The following SOX6 variants were observed in gnomAD, a reference collection of about 807,000 sequenced individuals.
The protein encoded by SOX6 is transcription factor SOX-6.
SOX6 carries 11 observed loss-of-function variants against 97.8 expected under a neutral mutation model. The observed-to-expected ratio is 0.11, with a 90% CI of 0.07 to 0.19. The LOEUF (loss-of-function observed/expected upper bound fraction) is 0.19, where lower values mean the gene tolerates loss of function less well. SOX6 is among the 10% of genes least tolerant of loss of function. The probability of loss-of-function intolerance (pLI) is 1.00; values close to 1 mark genes in which losing one functional copy is unlikely to be tolerated. For missense variants in SOX6, 810 were observed against 1,039.5 expected (o/e 0.78, Z 3.04); for synonymous variants, 360 against 371.4 (o/e 0.97, Z 0.35).
rs937403244 is a variant in SOX6 at position 16,605,310 on chromosome 11, G to T, written n.609+6771C>A. On this transcript the variant is annotated intron_variant and non_coding_transcript_variant, in intron 4 of 5. Coordinates refer to the SOX6 transcript ENST00000524520. This position sits in a 1 kb window ranked among gnomAD's most constrained non-coding sequence, Gnocchi z 5.3. ...CCCTGGCGAAGTCCGCGCCCGGCGG[G>T]GCTGAACTACCCCTCGCCCCCGCTC... Among the ~76,000 whole-genome samples, 2 of 152,264 alleles carry T rather than the reference G, an allele frequency of 1.3e-5. No homozygotes were observed. The highest frequency in any genetic ancestry group is 1.9e-4 in the East Asian group (1 of 5,142).
At chr11:16,380,865 C>T (rs1857792044) in intron 1 of SOX6, among the ~76,000 whole-genome samples, 1 of 151,968 alleles carries the variant, frequency 6.6e-6, no homozygotes, top group Non-Finnish European at 1.5e-5. Context: ...ATCAATATAG[C>T]AAGACAAAAA....
chr11:16,470,499 G>C (rs368281418), intron 1 of SOX6, among the ~76,000 whole-genome samples: 4 of 152,214 alleles, frequency 2.6e-5, no homozygotes, highest in African/African-American at 9.6e-5. Flanking sequence ...ATGACATGTG[G>C]CAATTTTGGA....
chr11:16,497,764 A>G (rs1860628464), intron 4 of SOX6, among the ~76,000 whole-genome samples: 1 of 152,244 alleles, frequency 6.6e-6, no homozygotes, highest in Non-Finnish European at 1.5e-5. Flanking sequence ...AGAAGTTTAG[A>G]GAAAAAAGAA....
intron 1 of SOX6, among the ~76,000 whole-genome samples, chr11:16,383,576 G>C (rs1164493787): frequency 1.3e-5 from 2 of 151,842 alleles, no homozygotes; most frequent in East Asian, 1.9e-4. Flanking sequence ...AAGCCCAATA[G>C]ATACATGTAA....
intron 4 of SOX6, among the ~76,000 whole-genome samples, chr11:16,511,552 C>A (rs1860880124): frequency 6.6e-6 from 1 of 151,896 alleles, no homozygotes; most frequent in Admixed American, 6.6e-5. Flanking sequence ...TACCTGAATT[C>A]TACAAATAGA....
intron 1 of SOX6, among the ~76,000 whole-genome samples, chr11:16,469,429 A>G (rs978384648): frequency 2.6e-5 from 4 of 152,192 alleles, no homozygotes; most frequent in African/African-American, 9.6e-5. Flanking sequence ...TAAGACAGAC[A>G]AAGCAAAAAT....
intron 4 of SOX6, among the ~76,000 whole-genome samples, chr11:16,526,276 A>G (rs1191557011): frequency 6.6e-6 from 1 of 152,200 alleles, no homozygotes; most frequent in Non-Finnish European, 1.5e-5. Flanking sequence ...AATGTGGCAC[A>G]TATACACCAT....
intron 7 of SOX6, among the ~76,000 whole-genome samples, chr11:16,104,434 C>T (rs911018756): frequency 6.6e-6 from 1 of 152,026 alleles, no homozygotes; most frequent in African/African-American, 2.4e-5. Flanking sequence ...CAGAGAACTT[C>T]AGTCTGAATT....
At chr11:16,646,762 G>A (rs760051389) in intron 3 of SOX6, among the ~76,000 whole-genome samples, 1 of 152,116 alleles carries the variant, frequency 6.6e-6, no homozygotes, top group African/African-American at 2.4e-5. Context: ...TAGAATAATA[G>A]TCTCCAGTTC....
intron 4 of SOX6, among the ~76,000 whole-genome samples, chr11:16,216,818 T>C (rs1852387204): frequency 6.6e-6 from 1 of 152,126 alleles, no homozygotes; most frequent in South Asian, 2.1e-4. Flanking sequence ...CAAAACTGAA[T>C]AGTACACAGA....
chr11:16,664,465 A>G (rs1262991676), intron 3 of SOX6, among the ~76,000 whole-genome samples: 3 of 152,166 alleles, frequency 2.0e-5, no homozygotes, highest in Non-Finnish European at 2.9e-5. Context: ...CACCAGGAAG[A>G]TCTCAGCTGG....
chr11:16,708,685 C>G (rs940558915), intron 3 of SOX6, among the ~76,000 whole-genome samples: 1 of 152,146 alleles, frequency 6.6e-6, no homozygotes, highest in Non-Finnish European at 1.5e-5. Flanking sequence ...AAATTATAAA[C>G]TTTTTCTTTA....
chr11:16,311,008 C>T (rs1855584983), intron 3 of SOX6, among the ~76,000 whole-genome samples: 1 of 152,056 alleles, frequency 6.6e-6, no homozygotes, highest in Non-Finnish European at 1.5e-5. Context: ...TCATCCAAGG[C>T]TTTACCAACC....
intron 4 of SOX6, among the ~76,000 whole-genome samples, chr11:16,571,181 T>G (rs1273527245): frequency 6.6e-6 from 1 of 152,164 alleles, no homozygotes; most frequent in African/African-American, 2.4e-5. Context: ...AACAAAAATT[T>G]TCAAAGGTGA....
chr11:16,365,987 T>C (rs1407446673), intron 1 of SOX6, among the ~76,000 whole-genome samples: 1 of 152,130 alleles, frequency 6.6e-6, no homozygotes, highest in Non-Finnish European at 1.5e-5. Context: ...TAACAATCTA[T>C]TCACTGTTTA....
intron 1 of SOX6, among the ~76,000 whole-genome samples, chr11:16,371,740 C>T (rs1256870806): frequency 6.6e-6 from 1 of 152,086 alleles, no homozygotes; most frequent in Non-Finnish European, 1.5e-5. Context: ...GTATTACAAA[C>T]TCTAATATTA....
chr11:16,506,459 G>A lies in SOX6; in HGVS notation n.610-30071C>T, dbSNP rs150898707. On this transcript the variant is annotated intron_variant and non_coding_transcript_variant, in intron 4 of 5. Transcript: ENST00000524520. ...TGTTTCTTATTTTACAGGCTCATAG[G>A]TGGAAGGGACTTGCCTTGTCTCAGA... Among the ~76,000 whole-genome samples, 696 of 152,304 alleles carry A rather than the reference G, an allele frequency of 4.6e-3. 5 individuals are homozygous for A. Among genetic ancestry groups the A allele is most frequent in the Middle Eastern group, 0.031 (9 of 294 alleles).
At chr11:16,140,376 G>C (rs962715210) in intron 6 of SOX6, among the ~76,000 whole-genome samples, 4 of 152,082 alleles carry the variant, frequency 2.6e-5, no homozygotes, top group African/African-American at 9.7e-5. Flanking sequence ...AGACACTACT[G>C]TTTCCTCCCT....
intron 6 of SOX6, among the ~76,000 whole-genome samples, chr11:16,148,194 T>TAGAA (rs1564983183): frequency 0.012 from 1,826 of 152,304 alleles, 36 homozygotes; most frequent in African/African-American, 0.041. Flanking sequence ...AAGTATATTC[T>TAGAA]GCCAATCAGT....
Sources: gnomAD v4.1 joint callset for allele counts (sites outside exome capture counted in the v4.1 genomes callset) on GRCh38, gnomAD v4.1.1 for gene constraint, Gnocchi (gnomAD v3.1) non-coding constraint, MANE v1.5 for transcripts, NCBI Gene and HGNC (gene_info 2026-07-23, HGNC 2026-07-21) for gene names.